Variants in SMOC1 observed in about 807,000 individuals in gnomAD.
The protein encoded by SMOC1 is SPARC related modular calcium binding 1, also known as SPARC-related modular calcium-binding protein 1.
SMOC1 carries 22 observed loss-of-function variants against 56.3 expected under a neutral mutation model. That is an observed-to-expected ratio of 0.39 (90% CI 0.28 to 0.56). The LOEUF (loss-of-function observed/expected upper bound fraction) is 0.56. SMOC1 is among the 20% of genes least tolerant of loss of function. SMOC1 has a pLI of 0.61. For synonymous variants in SMOC1, 193 were observed against 215.0 expected (o/e 0.90, Z 0.89); for missense variants, 509 against 565.4 (o/e 0.90, Z 1.01).
rs760555725 is a variant in SMOC1, at chr14:70,011,579, T to A, written c.940+12T>A. ...CAGGGAGCTACCAGGTGGGAGACGATGCTGCCCTGCCGGCGCCATCACCTC... is the reference window on the plus strand; with the variant it reads ...CAGGGAGCTACCAGGTGGGAGACGAAGCTGCCCTGCCGGCGCCATCACCTC... On this transcript the variant is annotated intron_variant, in intron 9 of 11. Transcript: ENST00000361956. The A allele has an allele frequency of 1.9e-6, 3 of 1,613,210 alleles. No homozygotes were observed. Among genetic ancestry groups the A allele is most frequent in the Non-Finnish European group, 2.5e-6 (3 of 1,179,416 alleles).
rs148817664 is a variant in SMOC1 at position 69,965,305 on chromosome 14, C to T, written c.379-10410C>T. Among the ~76,000 whole-genome samples, 1,063 of 151,776 alleles carry T rather than the reference C, an allele frequency of 7.0e-3. 12 individuals are homozygous for T. Among genetic ancestry groups the T allele is most frequent in the African/African-American group, 0.024 (1,010 of 41,378 alleles). The stretch of plus-strand genomic sequence containing the variant: ...CTCAGGCAGGAGAATCGCTTGAACC[C>T]GGGAGGTGGAGATTGCAGTGAGCCG... On this transcript the variant is annotated intron_variant, in intron 3 of 11. Transcript: ENST00000361956.
intron 1 of SMOC1, among the ~76,000 whole-genome samples, chr14:69,881,841 G>A (rs990387376): frequency 6.6e-6 from 1 of 152,126 alleles, no homozygotes; most frequent in Non-Finnish European, 1.5e-5. Context: ...TTACTCGAAC[G>A]AGAACAAGAA....
chr14:69,978,987 G>A (rs1884078349), intron 5 of SMOC1, among the ~76,000 whole-genome samples: 2 of 151,968 alleles, frequency 1.3e-5, no homozygotes, highest in Admixed American at 1.3e-4. Flanking sequence ...TGGAAAGCAA[G>A]TGTGCATTTC....
At chr14:69,918,234 A>ATT (rs537154120) in intron 1 of SMOC1, among the ~76,000 whole-genome samples, 402 of 148,056 alleles carry the variant, frequency 2.7e-3, no homozygotes, top group African/African-American at 8.8e-3. Flanking sequence ...ATATATATAT[A>ATT]TATTTTTTTT....
intron 1 of SMOC1, among the ~76,000 whole-genome samples, chr14:69,920,253 C>A (rs752308745): frequency 9.2e-5 from 14 of 152,228 alleles, no homozygotes; most frequent in South Asian, 2.1e-4. Context: ...CTATGGCTGA[C>A]CTTGTAAGAA....
intron 11 of SMOC1, among the ~76,000 whole-genome samples, chr14:70,027,627 C>T (rs1005512354): frequency 6.6e-6 from 1 of 152,168 alleles, no homozygotes; most frequent in Non-Finnish European, 1.5e-5. Context: ...ATGGGCCTGG[C>T]TTGATTTTAA....
In SMOC1 at chr14:69,893,148, G is replaced by A. The variant is rs377411039; in HGVS notation, c.99+13371G>A. ...CGTAAAATGATAGTTAAATCAATAGGTTTGATCAGGTGTAGGTTTGATATA... is the reference window on the plus strand; with the variant it reads ...CGTAAAATGATAGTTAAATCAATAGATTTGATCAGGTGTAGGTTTGATATA... On this transcript the variant is annotated intron_variant, in intron 1 of 11. Coordinates refer to ENST00000361956, the MANE Select transcript of SMOC1 (RefSeq NM_001034852.3). Among the ~76,000 whole-genome samples the A allele has an allele frequency of 7.2e-5, 11 of 152,242 alleles. No homozygotes were observed. In the East Asian group the frequency reaches 1.3e-3, roughly 19 times the overall value.
At chr14:69,994,824 C>G (rs1243950546) in intron 7 of SMOC1, among the ~76,000 whole-genome samples, 2 of 152,138 alleles carry the variant, frequency 1.3e-5, no homozygotes, top group African/African-American at 4.8e-5. Flanking sequence ...GGAGTCGATT[C>G]TGTGTGTTTT....
At chr14:69,950,352 A>T in intron 1 of SMOC1, among the ~76,000 whole-genome samples, 1 of 152,200 alleles carries the variant, frequency 6.6e-6, no homozygotes, top group East Asian at 1.9e-4. Flanking sequence ...GTGTATTTCC[A>T]GTACTCCCTT....
intron 11 of SMOC1, among the ~76,000 whole-genome samples, chr14:70,025,009 G>A (rs1353595231): frequency 6.6e-6 from 1 of 152,174 alleles, no homozygotes; most frequent in African/African-American, 2.4e-5. Flanking sequence ...TGGAGATCAA[G>A]TTAGGTATGG....
chr14:69,884,295 GT>G (rs939372047), intron 1 of SMOC1, among the ~76,000 whole-genome samples: 1 of 151,668 alleles, frequency 6.6e-6, no homozygotes, highest in Non-Finnish European at 1.5e-5. Flanking sequence ...TCATTGCATT[GT>G]TTTTTGTTTT....
At chr14:69,956,448 CTTT>C (rs3052655) in intron 3 of SMOC1, among the ~76,000 whole-genome samples, 1 of 130,798 alleles carries the variant, frequency 7.6e-6, no homozygotes, top group Admixed American at 7.8e-5. Context: ...CTTAGCTGGG[CTTT>C]TTTTTTTTTT....
intron 3 of SMOC1, among the ~76,000 whole-genome samples, chr14:69,974,883 C>T (rs1214042378): frequency 6.6e-6 from 1 of 152,096 alleles, no homozygotes; most frequent in Non-Finnish European, 1.5e-5. Context: ...TGTGTGCCCT[C>T]ATCTCAAGAC....
At chr14:69,888,798 G>A (rs1487841830) in intron 1 of SMOC1, among the ~76,000 whole-genome samples, 1 of 151,938 alleles carries the variant, frequency 6.6e-6, no homozygotes, top group Non-Finnish European at 1.5e-5. Flanking sequence ...TTTTATGGAT[G>A]TTCATTATGC....
chr14:69,895,657 T>C (rs1347875271), intron 1 of SMOC1, among the ~76,000 whole-genome samples: 2 of 152,218 alleles, frequency 1.3e-5, no homozygotes, highest in African/African-American at 4.8e-5. Context: ...GATTGACAGC[T>C]GAAATGAACA....
At chr14:70,020,280 C>G (rs1299323956) in intron 10 of SMOC1, among the ~76,000 whole-genome samples, 1 of 152,074 alleles carries the variant, frequency 6.6e-6, no homozygotes, top group East Asian at 1.9e-4. Context: ...TGTAGGCTCT[C>G]AGAGGGTTCA....
At chr14:69,899,503 G>T (rs940590803) in intron 1 of SMOC1, among the ~76,000 whole-genome samples, 1 of 152,154 alleles carries the variant, frequency 6.6e-6, no homozygotes, top group Non-Finnish European at 1.5e-5. Flanking sequence ...CGCTATGATT[G>T]TAAGTTTTCT....
chr14:69,916,224 C>T (rs1884682950), intron 1 of SMOC1, among the ~76,000 whole-genome samples: 1 of 152,214 alleles, frequency 6.6e-6, no homozygotes, highest in African/African-American at 2.4e-5. Flanking sequence ...TGACCCTCCT[C>T]TTTCTCTCAT....
At chr14:70,005,841 G>C (rs146450940) in intron 7 of SMOC1, among the ~76,000 whole-genome samples, 1 of 152,060 alleles carries the variant, frequency 6.6e-6, no homozygotes, top group Non-Finnish European at 1.5e-5. Flanking sequence ...CTCCCCTTCC[G>C]TTTATGGCTT....
Sources: allele counts gnomAD v4.1 joint callset (sites outside exome capture counted in the v4.1 genomes callset), GRCh38; gene constraint gnomAD v4.1.1; transcripts MANE v1.5; gene names NCBI Gene and HGNC (gene_info 2026-07-23, HGNC 2026-07-21).